Variants in ANKRD27 observed in about 807,000 individuals in gnomAD.
ANKRD27 encodes the protein ankyrin repeat domain-containing protein 27.
A neutral mutation model predicts 129.7 loss-of-function variants in ANKRD27; 112 were observed. The observed-to-expected ratio is 0.86, with a 90% CI of 0.74 to 1.01. The LOEUF is 1.01. Ranked by LOEUF, ANKRD27 falls within the 50% of genes least tolerant of loss-of-function variation. ANKRD27 has a pLI of 0.00. For missense variants in ANKRD27, 1,258 were observed against 1,300.5 expected (o/e 0.97, Z 0.50); for synonymous variants, 516 against 511.2 (o/e 1.01, Z -0.13).
intron 3 of ANKRD27, among the ~76,000 whole-genome samples, chr19:32,647,090 T>C (rs1967317771): frequency 1.3e-5 from 2 of 152,170 alleles, no homozygotes; most frequent in South Asian, 4.1e-4. Context: ...CCTCCTGGAG[T>C]GCTGGGATTA....
chr19:32,617,675 A>C (rs778780541), intron 20 of ANKRD27, 42 bp from the exon 21 acceptor site: 3 of 699,036 alleles, frequency 4.3e-6, no homozygotes, highest in South Asian at 1.7e-5. Flanking sequence ...TGATTTCAAC[A>C]ATAAAATAAT....
intron 1 of ANKRD27, among the ~76,000 whole-genome samples, chr19:32,659,923 CAAAAATAAACAAT>C (rs1228170706): frequency 1.3e-5 from 2 of 151,958 alleles, no homozygotes; most frequent in Admixed American, 6.6e-5. Flanking sequence ...CAATTATCTA[CAAAAATAAACAAT>C]AAAAATAAAC....
Position 32,597,981 on chromosome 19 carries a change from G to T in ANKRD27, c.*164C>A. The T allele has an allele frequency of 1.6e-6, 1 of 631,692 alleles. No homozygotes were observed. The highest frequency in any genetic ancestry group is 2.9e-5 in the Admixed American group (1 of 34,394). The allele number at this position is 631,692 out of a possible 1,614,324, so 39.1% of individuals were successfully genotyped here. ...AGAGATGGTGGTGGTTAACTTTTTT[G>T]TTGCATTCTTTCCTGCCACAGAAAA... On this transcript the variant is annotated 3_prime_UTR_variant, in exon 29 of 29. Transcript: ENST00000306065.
intron 10 of ANKRD27, among the ~76,000 whole-genome samples, chr19:32,641,735 A>G (rs1428164272): frequency 2.8e-5 from 4 of 144,898 alleles, no homozygotes; most frequent in Non-Finnish European, 4.6e-5. Flanking sequence ...TTCCTTACTG[A>G]CTTTTTCTTG....
At chr19:32,664,661 A>AT (rs1555748659) in intron 1 of ANKRD27, among the ~76,000 whole-genome samples, 3 of 141,322 alleles carry the variant, frequency 2.1e-5, no homozygotes, top group Admixed American at 7.1e-5. Flanking sequence ...AATAATAATA[A>AT]AAAGTTCTTC....
intron 13 of ANKRD27, 51 bp from the exon 14 acceptor site, chr19:32,628,900 T>C: frequency 6.2e-7 from 1 of 1,602,690 alleles, no homozygotes; most frequent in African/African-American, 1.3e-5. Context: ...TACTCAATTA[T>C]TAGGAGTAAA....
chr19:32,616,096 G>A (rs1206109160), intron 21 of ANKRD27, among the ~76,000 whole-genome samples: 2 of 152,198 alleles, frequency 1.3e-5, no homozygotes, highest in African/African-American at 2.4e-5. Flanking sequence ...CATTCTGGGA[G>A]GCAGAGGCCA....
intron 10 of ANKRD27, 59 bp from the exon 11 acceptor site, chr19:32,640,444 T>C (rs368545695): frequency 9.1e-6 from 13 of 1,424,418 alleles, no homozygotes; most frequent in Non-Finnish European, 1.3e-5. Context: ...CTGACAAGCA[T>C]ATCAACTCCC....
intron 1 of ANKRD27, among the ~76,000 whole-genome samples, chr19:32,661,173 C>A (rs1967636362): frequency 6.6e-6 from 1 of 151,200 alleles, no homozygotes; most frequent in East Asian, 1.9e-4. Context: ...TGCACTCCAC[C>A]CTGTGTGATG....
intron 22 of ANKRD27, among the ~76,000 whole-genome samples, chr19:32,614,972 G>C (rs996996244): frequency 2.0e-5 from 3 of 152,170 alleles, no homozygotes; most frequent in East Asian, 3.9e-4. Context: ...CACTTGGAGG[G>C]AGAGTCCCCA....
intron 12 of ANKRD27, among the ~76,000 whole-genome samples, chr19:32,635,416 C>G (rs1343730319): frequency 6.6e-6 from 1 of 152,214 alleles, no homozygotes; most frequent in African/African-American, 2.4e-5. Flanking sequence ...AAATTCTGAT[C>G]TGCACACACG....
At chr19:32,658,859 C>T in intron 2 of ANKRD27, 55 bp downstream of exon 2, 3 of 1,388,342 alleles carry the variant, frequency 2.2e-6, no homozygotes, top group South Asian at 2.3e-5. Context: ...CTTAGTCTAC[C>T]ACGTCTCTGG....
intron 12 of ANKRD27, among the ~76,000 whole-genome samples, chr19:32,635,319 C>T (rs1379438385): frequency 6.6e-6 from 1 of 152,138 alleles, no homozygotes; most frequent in African/African-American, 2.4e-5. Flanking sequence ...CCACCGCAGG[C>T]ACGGTGAGAG....
intron 25 of ANKRD27, 148 bp downstream of exon 25, chr19:32,604,115 G>A (rs921624664): frequency 7.6e-6 from 6 of 790,348 alleles, no homozygotes; most frequent in East Asian, 5.5e-5. Flanking sequence ...ATCTACCCAC[G>A]CTGTGGACTT....
chr19:32,639,882 C>T lies in ANKRD27; in HGVS notation c.984-394G>A, dbSNP rs541633946. 1.8e-4 allele frequency among the ~76,000 whole-genome samples: 27 copies of T among 152,338 alleles called. No individual in the cohort carries two copies. In the South Asian group the frequency reaches 5.6e-3, roughly 32 times the overall value. On this transcript the variant is annotated intron_variant, in intron 11 of 28. Transcript: ENST00000306065. Reference sequence around the variant, plus strand: ...AGTGGATGGATGAAGCAAGGGGAGGCCCCACACCTAGCTCGTAACAGGTGT... The same window carrying T: ...AGTGGATGGATGAAGCAAGGGGAGGTCCCACACCTAGCTCGTAACAGGTGT...
chr19:32,614,968 G>A (rs1971892134), intron 22 of ANKRD27, among the ~76,000 whole-genome samples: 1 of 152,176 alleles, frequency 6.6e-6, no homozygotes, highest in Non-Finnish European at 1.5e-5. Context: ...TCTGCACTTG[G>A]AGGGAGAGTC....
chr19:32,639,628 C>T, intron 11 of ANKRD27, 140 bp from the exon 12 acceptor site: 1 of 832,214 alleles, frequency 1.2e-6, no homozygotes, highest in Non-Finnish European at 1.9e-6. Context: ...TCCCCTGGAT[C>T]TCTCTGCAGA....
chr19:32,649,577 A>C (rs1599765376), intron 3 of ANKRD27, 105 bp downstream of exon 3: 1 of 810,138 alleles, frequency 1.2e-6, no homozygotes, highest in Non-Finnish European at 2.1e-6. Context: ...GTCAAATGCC[A>C]CCATTGCCAG....
At chr19:32,649,599 G>A (rs923348491) in intron 3 of ANKRD27, 83 bp downstream of exon 3, 10 of 944,266 alleles carry the variant, frequency 1.1e-5, no homozygotes, top group South Asian at 2.6e-5. Context: ...AGCTGTGAAA[G>A]GCTGAGAACG....
Sources: allele counts gnomAD v4.1 joint callset (sites outside exome capture counted in the v4.1 genomes callset), GRCh38; gene constraint gnomAD v4.1.1; transcripts MANE v1.5; gene names NCBI Gene and HGNC (gene_info 2026-07-23, HGNC 2026-07-21).